Variants in GRIN2A observed in about 807,000 individuals in gnomAD.
GRIN2A encodes glutamate receptor ionotropic, NMDA 2A.
GRIN2A carries 22 observed loss-of-function variants against 113.4 expected under a neutral mutation model. That is an observed-to-expected ratio of 0.19 (90% CI 0.14 to 0.28). The LOEUF is 0.28. GRIN2A is among the 10% of genes least tolerant of loss of function. The pLI is 1.00. For synonymous variants in GRIN2A, 827 were observed against 738.4 expected, an observed-to-expected ratio of 1.12 and a Z score of -1.94; for missense variants, 1,502 against 1,887.0, an observed-to-expected ratio of 0.80 and a Z score of 3.78.
At chr16:9,985,356 G>A (rs1249689594) in intron 2 of GRIN2A, among the ~76,000 whole-genome samples, 1 of 152,150 alleles carries the variant, frequency 6.6e-6, no homozygotes, top group Non-Finnish European at 1.5e-5. Flanking sequence ...ATTAGTCAGT[G>A]AATTAAGAGG....
chr16:9,772,666 G>A (rs958683568), intron 11 of GRIN2A, among the ~76,000 whole-genome samples: 3 of 152,060 alleles, frequency 2.0e-5, no homozygotes, highest in Admixed American at 6.5e-5. Context: ...GTGAGCCACC[G>A]TGCTCAGACC....
intron 4 of GRIN2A, among the ~76,000 whole-genome samples, chr16:9,862,443 T>C (rs1567353843): frequency 6.6e-6 from 1 of 152,200 alleles, no homozygotes; most frequent in Non-Finnish European, 1.5e-5. Context: ...TTGATTGTTA[T>C]TTCCATGAAC....
chr16:10,075,435 C>T (rs541630187), intron 2 of GRIN2A, among the ~76,000 whole-genome samples: 1 of 152,052 alleles, frequency 6.6e-6, no homozygotes, highest in East Asian at 1.9e-4. Context: ...TACCAGGGAC[C>T]AAGCAGCGGG....
rs1013909512 is a variant in GRIN2A, at chr16:9,829,403, G to A, written c.2007+20C>T. On this transcript the variant is annotated intron_variant, in intron 9 of 12. Coordinates refer to ENST00000330684, the MANE Select transcript of GRIN2A (RefSeq NM_001134407.3). ...GTTAAGACCAACCCTCAGATGGAGAGGAAAGCAAGGTGACCTTACCTTTTT... is the reference window on the plus strand; with the variant it reads ...GTTAAGACCAACCCTCAGATGGAGAAGAAAGCAAGGTGACCTTACCTTTTT... 1 of 1,536,718 alleles carries A rather than the reference G, an allele frequency of 6.5e-7. No homozygotes were observed. Among genetic ancestry groups the A allele is most frequent in the Non-Finnish European group, 9.0e-7 (1 of 1,110,190 alleles).
rs1463948759 is a variant in GRIN2A at position 10,180,318 on chromosome 16, G to A, written c.94C>T (p.Pro32Ser). The change falls in exon 2 of 13, where the codon CCC becomes TCC. Residue 32 changes from proline to serine, a missense_variant. This residue lies in a region of GRIN2A where 149 missense variants were observed against 179.1 expected (regional missense o/e 0.83). Transcript: ENST00000330684. This position sits in a 1 kb window ranked among gnomAD's most constrained non-coding sequence, Gnocchi z 7.0. The stretch of plus-strand genomic sequence containing the variant: ...AGCATCACCGCAATATTTAGCGCGG[G>A]GGGACCCTTCTCCGCCGCCGCGCTC... ...APSAAAEKGPPALNIAVMLGH... is the reference protein window; with the variant it reads ...APSAAAEKGPSALNIAVMLGH... 1.9e-6 allele frequency: 3 copies of A among 1,610,978 alleles called. No homozygotes were observed. The highest frequency in any genetic ancestry group is 1.7e-5 in the Admixed American group (1 of 60,026).
At chr16:10,163,138 G>T (rs1191443671) in intron 2 of GRIN2A, among the ~76,000 whole-genome samples, 1 of 152,144 alleles carries the variant, frequency 6.6e-6, no homozygotes, top group Non-Finnish European at 1.5e-5. Context: ...AATTGTTTGG[G>T]AATCTCTTGC....
intron 2 of GRIN2A, among the ~76,000 whole-genome samples, chr16:10,136,445 G>C (rs1366684572): frequency 1.3e-5 from 2 of 152,124 alleles, no homozygotes; most frequent in Non-Finnish European, 2.9e-5. Flanking sequence ...GTGTAACTCA[G>C]AATAGCCAAT....
chr16:10,018,379 A>G (rs1020507696), intron 2 of GRIN2A, among the ~76,000 whole-genome samples: 6 of 152,196 alleles, frequency 3.9e-5, no homozygotes, highest in African/African-American at 1.4e-4. Context: ...TAGCACCAGA[A>G]GACACAAACT....
intron 2 of GRIN2A, among the ~76,000 whole-genome samples, chr16:9,951,484 A>G (rs1234912202): frequency 6.6e-6 from 1 of 152,206 alleles, no homozygotes; most frequent in African/African-American, 2.4e-5. Flanking sequence ...GTGCATGTCA[A>G]AAAGCTAATA....
At chr16:10,149,038 A>G (rs1321874813) in intron 2 of GRIN2A, among the ~76,000 whole-genome samples, 2 of 152,232 alleles carry the variant, frequency 1.3e-5, no homozygotes, top group African/African-American at 4.8e-5. Flanking sequence ...ACCCACAGAC[A>G]GAGAGAGTAG....
chr16:10,096,507 C>T (rs529097601), intron 2 of GRIN2A, among the ~76,000 whole-genome samples: 1 of 141,620 alleles, frequency 7.1e-6, no homozygotes, highest in South Asian at 2.3e-4. Flanking sequence ...TAATAGTGTT[C>T]TTCTTTTTCA....
At chr16:10,050,680 A>G (rs965210786) in intron 2 of GRIN2A, among the ~76,000 whole-genome samples, 4 of 152,114 alleles carry the variant, frequency 2.6e-5, no homozygotes, top group African/African-American at 9.7e-5. Context: ...AATAGAAATA[A>G]AGTACACAAT....
intron 2 of GRIN2A, among the ~76,000 whole-genome samples, chr16:10,076,323 A>G (rs1199391182): frequency 4.6e-5 from 7 of 152,178 alleles, no homozygotes; most frequent in Non-Finnish European, 8.8e-5. Flanking sequence ...AACCATCCAC[A>G]GGAGAATGTT....
intron 4 of GRIN2A, among the ~76,000 whole-genome samples, chr16:9,876,890 A>G (rs1380928254): frequency 3.9e-5 from 6 of 152,190 alleles, no homozygotes; most frequent in Admixed American, 1.3e-4. Context: ...CCCATCAGAG[A>G]CAGTCATAGT....
intron 3 of GRIN2A, among the ~76,000 whole-genome samples, chr16:9,908,579 A>G (rs1327808573): frequency 1.3e-5 from 2 of 152,184 alleles, no homozygotes; most frequent in Non-Finnish European, 2.9e-5. Flanking sequence ...AAGAAAACCC[A>G]GGGGAAGAAG....
chr16:9,847,947 G>T (rs4238634), intron 5 of GRIN2A, among the ~76,000 whole-genome samples: 145,997 of 146,000 alleles, frequency 1, 72,997 homozygotes, highest in Non-Finnish European at 1. Flanking sequence ...AAATATATAT[G>T]TTATATATGT....
At chr16:10,139,213 G>C (rs1567327168) in intron 2 of GRIN2A, among the ~76,000 whole-genome samples, 1 of 152,154 alleles carries the variant, frequency 6.6e-6, no homozygotes. Context: ...TCTGCTTTGA[G>C]AGGCAAGATC....
intron 2 of GRIN2A, among the ~76,000 whole-genome samples, chr16:10,150,362 A>G (rs2049542143): frequency 2.0e-5 from 3 of 152,192 alleles, no homozygotes; most frequent in Admixed American, 1.3e-4. Context: ...ATAAGGTGGG[A>G]ACAAGGGCTT....
intron 3 of GRIN2A, among the ~76,000 whole-genome samples, chr16:9,921,609 A>G (rs1433932427): frequency 1.3e-5 from 2 of 152,268 alleles, no homozygotes; most frequent in African/African-American, 4.8e-5. Flanking sequence ...CATACCACCT[A>G]GATCAGAATA....
Sources: gnomAD v4.1 joint callset for allele counts (sites outside exome capture counted in the v4.1 genomes callset) on GRCh38, gnomAD v4.1.1 for gene constraint, gnomAD v4.1.1 regional missense constraint, Gnocchi (gnomAD v3.1) non-coding constraint, MANE v1.5 for transcripts, NCBI Gene and HGNC (gene_info 2026-07-23, HGNC 2026-07-21) for gene names.